RANBP3: variants seen among roughly 807,000 people sequenced by gnomAD.
RANBP3 encodes the protein RAN binding protein 3, also known as ran-binding protein 3.
RANBP3 carries 14 observed loss-of-function variants against 77.3 expected under a neutral mutation model. That is an observed-to-expected ratio of 0.18 (90% CI 0.12 to 0.28). The LOEUF (loss-of-function observed/expected upper bound fraction) is 0.28, where lower values mean the gene tolerates loss of function less well. Among genes scored for constraint, RANBP3 ranks in the 10% least tolerant of loss-of-function variants. The pLI is 1.00. For missense variants in RANBP3, 586 were observed against 752.3 expected, an observed-to-expected ratio of 0.78 and a Z score of 2.59; for synonymous variants, 315 against 312.4, an observed-to-expected ratio of 1.01 and a Z score of -0.09.
chr19:5,937,084 A>AAAAAAAAAG (rs2058075945), intron 5 of RANBP3, among the ~76,000 whole-genome samples: 1 of 143,610 alleles, frequency 7.0e-6, no homozygotes, highest in African/African-American at 2.6e-5. Context: ...AAAAAAAAAA[A>AAAAAAAAAG]GGAAGAAAAT....
At chr19:5,971,043 AGT>A (rs2058524453) in intron 1 of RANBP3, among the ~76,000 whole-genome samples, 3 of 152,196 alleles carry the variant, frequency 2.0e-5, no homozygotes, top group Middle Eastern at 3.2e-3. Flanking sequence ...AGCACATGCC[AGT>A]GGTTCTCAAA....
intron 3 of RANBP3, among the ~76,000 whole-genome samples, chr19:5,945,510 T>C (rs968498860): frequency 6.6e-6 from 1 of 152,244 alleles, no homozygotes; most frequent in Non-Finnish European, 1.5e-5. Context: ...GAGAAGGCTG[T>C]GTACCCCACT....
intron 1 of RANBP3, among the ~76,000 whole-genome samples, chr19:5,977,207 G>C (rs540692408): frequency 6.6e-6 from 1 of 152,230 alleles, no homozygotes; most frequent in Middle Eastern, 3.4e-3. Flanking sequence ...ACTAGAAAAG[G>C]GGGGGAGCTA....
intron 3 of RANBP3, among the ~76,000 whole-genome samples, chr19:5,948,883 T>C (rs2058240944): frequency 1.3e-5 from 2 of 152,208 alleles, no homozygotes; most frequent in South Asian, 2.1e-4. Context: ...TGCCCAGAGC[T>C]GCCTGCTTTC....
chr19:5,929,729 T>TA (rs1007405066), intron 8 of RANBP3, among the ~76,000 whole-genome samples: 3 of 152,160 alleles, frequency 2.0e-5, no homozygotes, highest in Non-Finnish European at 1.5e-5. Flanking sequence ...GCCATGTTCA[T>TA]GGGCGGCTTG....
At chr19:5,969,315 G>C (rs2058504003) in intron 1 of RANBP3, among the ~76,000 whole-genome samples, 1 of 152,180 alleles carries the variant, frequency 6.6e-6, no homozygotes, top group African/African-American at 2.4e-5. Context: ...CTCTCCCCCA[G>C]AGAAAGGCAA....
chr19:5,964,037 A>G (rs184807003), intron 1 of RANBP3, among the ~76,000 whole-genome samples: 1 of 152,140 alleles, frequency 6.6e-6, no homozygotes, highest in East Asian at 1.9e-4. Context: ...CAGAAACTGA[A>G]AGGAGTGAGC....
At chr19:5,962,773 T>G (rs2058419760) in intron 1 of RANBP3, 2 of 456,006 alleles carry the variant, frequency 4.4e-6, no homozygotes, top group Non-Finnish European at 8.8e-6. Context: ...GTTGATCAAC[T>G]GCAAATCAGC....
In RANBP3 at chr19:5,978,105, C is replaced by A. The variant is rs1483269854; in HGVS notation, c.-23G>T. The A allele has an allele frequency of 6.2e-7, 1 of 1,604,824 alleles. No homozygotes were observed. The highest frequency in any genetic ancestry group is 8.5e-7 in the Non-Finnish European group (1 of 1,176,326). On this transcript the variant is annotated 5_prime_UTR_variant, in exon 1 of 17. Coordinates refer to ENST00000340578, the MANE Select transcript of RANBP3 (RefSeq NM_007322.3). ...CATTTTACTTCCTTAAGCCCTCCCACAAGGCCCCGCGCCGGCCCAGGCTCG... is the reference window on the plus strand; with the variant it reads ...CATTTTACTTCCTTAAGCCCTCCCAAAAGGCCCCGCGCCGGCCCAGGCTCG...
chr19:5,926,710 C>T (rs1293985918), intron 9 of RANBP3, among the ~76,000 whole-genome samples: 1 of 152,168 alleles, frequency 6.6e-6, no homozygotes, highest in Non-Finnish European at 1.5e-5. Context: ...AGAGATTCCA[C>T]AGGGCCTGAA....
chr19:5,955,696 T>C (rs1051737740), intron 2 of RANBP3, among the ~76,000 whole-genome samples: 5 of 152,224 alleles, frequency 3.3e-5, no homozygotes, highest in African/African-American at 1.2e-4. Context: ...AAACCAGGGG[T>C]TGGCAAACTG....
At chr19:5,947,814 T>G (rs1028996375) in intron 3 of RANBP3, among the ~76,000 whole-genome samples, 11 of 151,974 alleles carry the variant, frequency 7.2e-5, no homozygotes, top group Non-Finnish European at 1.5e-4. Context: ...GGGAAGTAAC[T>G]CAATTCTGTG....
chr19:5,964,490 G>A (rs941649267), intron 1 of RANBP3, among the ~76,000 whole-genome samples: 1 of 152,060 alleles, frequency 6.6e-6, no homozygotes. Flanking sequence ...GCACTGCGTC[G>A]GCCTCTGGAG....
At chr19:5,949,197 G>A (rs1244143522) in intron 3 of RANBP3, among the ~76,000 whole-genome samples, 2 of 152,220 alleles carry the variant, frequency 1.3e-5, no homozygotes, top group Non-Finnish European at 2.9e-5. Context: ...ACACCAGTGT[G>A]ATACAGAGTG....
At chr19:5,922,836 C>A (rs966778407) in intron 13 of RANBP3, among the ~76,000 whole-genome samples, 16 of 152,074 alleles carry the variant, frequency 1.1e-4, no homozygotes, top group African/African-American at 2.2e-4. Flanking sequence ...GCTACTCAGG[C>A]GACTGAGGCA....
rs554675265 is a variant in RANBP3, at chr19:5,936,669, G to C, written c.407-3190C>G. Among the ~76,000 whole-genome samples the C allele has an allele frequency of 2.6e-4, 39 of 152,334 alleles. No individual in the cohort carries two copies. The South Asian group carries it at 4.4e-3, about 17-fold the overall frequency. The stretch of plus-strand genomic sequence containing the variant: ...GCCGGGAGGCTCTTGTTGTGACAAA[G>C]TAAGGGCAGTGCTCAAATGAACAAC... On this transcript the variant is annotated intron_variant, in intron 5 of 16. Coordinates refer to ENST00000340578, the MANE Select transcript of RANBP3 (RefSeq NM_007322.3).
intron 3 of RANBP3, among the ~76,000 whole-genome samples, chr19:5,944,733 C>T (rs1279073060): frequency 2.6e-5 from 4 of 152,254 alleles, no homozygotes; most frequent in Non-Finnish European, 4.4e-5. Flanking sequence ...CCGCACTGCT[C>T]GCCTCACCTC....
intron 9 of RANBP3, among the ~76,000 whole-genome samples, chr19:5,927,071 C>T (rs2057920486): frequency 6.6e-6 from 1 of 152,088 alleles, no homozygotes; most frequent in Non-Finnish European, 1.5e-5. Flanking sequence ...GTGACAACCA[C>T]AAAAGTCTCT....
chr19:5,941,921 A>C, intron 3 of RANBP3, 86 bp from the exon 4 acceptor site: 1 of 1,471,692 alleles, frequency 6.8e-7, no homozygotes, highest in African/African-American at 1.4e-5. Flanking sequence ...AAATATCCCA[A>C]CATGCACCAC....
Sources: allele counts gnomAD v4.1 joint callset (sites outside exome capture counted in the v4.1 genomes callset), GRCh38; gene constraint gnomAD v4.1.1; transcripts MANE v1.5; gene names NCBI Gene and HGNC (gene_info 2026-07-23, HGNC 2026-07-21).